ADCK1: variants seen among roughly 807,000 people sequenced by gnomAD.
ADCK1 encodes aarF domain-containing protein kinase 1.
ADCK1 carries 41 observed loss-of-function variants against 52.3 expected under a neutral mutation model. The observed-to-expected ratio is 0.78, with a 90% CI of 0.61 to 1.02. The LOEUF is 1.02. Among genes scored for constraint, ADCK1 ranks in the 50% least tolerant of loss-of-function variants. The pLI is 0.00. For synonymous variants in ADCK1, 250 were observed against 274.6 expected (o/e 0.91, Z 0.89); for missense variants, 658 against 679.5 (o/e 0.97, Z 0.35).
In ADCK1 at chr14:77,908,559, T is replaced by C. The variant is rs148555012; in HGVS notation, c.858+640T>C. ...TATGTTTTTAGAGATGGGGTCTTGCTCTGTTGCCTAGACTGGCGTGCAGTG... is the reference window on the plus strand; with the variant it reads ...TATGTTTTTAGAGATGGGGTCTTGCCCTGTTGCCTAGACTGGCGTGCAGTG... On this transcript the variant is annotated intron_variant, in intron 7 of 10. Coordinates refer to ENST00000238561, the MANE Select transcript of ADCK1 (RefSeq NM_020421.4). Among the ~76,000 whole-genome samples, 1,044 of 152,322 alleles carry C rather than the reference T, an allele frequency of 6.9e-3. 10 individuals are homozygous for C. Among genetic ancestry groups the C allele is most frequent in the African/African-American group, 0.024 (988 of 41,562 alleles).
At chr14:77,890,846 C>T (rs1055019625) in intron 5 of ADCK1, among the ~76,000 whole-genome samples, 1 of 152,080 alleles carries the variant, frequency 6.6e-6, no homozygotes, top group Non-Finnish European at 1.5e-5. Context: ...GTGGTCAGAG[C>T]AGAGCATAGG....
At chr14:77,895,621 C>T (rs2083392275) in intron 5 of ADCK1, among the ~76,000 whole-genome samples, 1 of 152,154 alleles carries the variant, frequency 6.6e-6, no homozygotes, top group Non-Finnish European at 1.5e-5. Context: ...AATGAATCTG[C>T]TTAAGGTGGG....
rs548325364 is a variant in ADCK1 at position 77,933,533 on chromosome 14, T to C, written c.*142T>C. ...TCCATGTCACCATCCTTCTCCTCCT[T>C]TGGAATCCTCTCCGCACACTGTGGC... On this transcript the variant is annotated 3_prime_UTR_variant, in exon 11 of 11. Transcript: ENST00000238561. The C allele has an allele frequency of 3.0e-6, 3 of 1,000,800 alleles. No homozygotes were observed. In the East Asian group the frequency reaches 7.2e-5, roughly 24 times the overall value. The allele number at this position is 1,000,800 out of a possible 1,614,324, so 62.0% of individuals were successfully genotyped here. A position where few individuals can be genotyped will look rare whatever the true frequency, so the allele number is the denominator to read the frequency against.
At chr14:77,825,263 G>C (rs1273173854) in intron 3 of ADCK1, among the ~76,000 whole-genome samples, 1 of 152,158 alleles carries the variant, frequency 6.6e-6, no homozygotes, top group Non-Finnish European at 1.5e-5. Context: ...TTTAATGTCT[G>C]TTTCAATGCC....
intron 1 of ADCK1, among the ~76,000 whole-genome samples, chr14:77,808,041 C>T (rs1014529045): frequency 3.3e-5 from 5 of 152,120 alleles, no homozygotes; most frequent in South Asian, 4.1e-4. Flanking sequence ...ACAAAACATA[C>T]GAAATAACAG....
intron 9 of ADCK1, among the ~76,000 whole-genome samples, chr14:77,928,402 G>T (rs563344382): frequency 6.6e-6 from 1 of 152,042 alleles, no homozygotes; most frequent in African/African-American, 2.4e-5. Context: ...ATGAGGTCAC[G>T]TGGCATGTAC....
In ADCK1 at chr14:77,933,812, A is replaced by C; in HGVS notation, c.*421A>C. The C allele has an allele frequency of 5.8e-6, 1 of 173,038 alleles. No individual in the cohort carries two copies. Among genetic ancestry groups the C allele is most frequent in the African/African-American group, 2.4e-5 (1 of 42,516 alleles). The allele number at this position is 173,038 out of a possible 1,614,324, so 10.7% of individuals were successfully genotyped here. A position where few individuals can be genotyped will look rare whatever the true frequency, so the allele number is the denominator to read the frequency against. On this transcript the variant is annotated 3_prime_UTR_variant, in exon 11 of 11. Coordinates refer to ENST00000238561, the MANE Select transcript of ADCK1 (RefSeq NM_020421.4). ...AGAGAACACCTTCCCTTTCCTTGCC[A>C]TGTCACCCTCCAGAGGAAGTCACAC...
chr14:77,874,350 C>T (rs17106514), intron 4 of ADCK1, among the ~76,000 whole-genome samples: 4,987 of 152,242 alleles, frequency 0.033, 148 homozygotes, highest in South Asian at 0.12. Flanking sequence ...TTGGAATCTG[C>T]AAATAGGGTT....
At chr14:77,839,881 T>G (rs1337427747) in intron 3 of ADCK1, among the ~76,000 whole-genome samples, 1 of 129,888 alleles carries the variant, frequency 7.7e-6, no homozygotes, top group East Asian at 2.3e-4. Context: ...ATTGCACCAC[T>G]GCACTCCAGC....
Position 77,887,233 on chromosome 14 carries a change from A to G in ADCK1, c.566A>G (p.Asp189Gly). ...HPKVRAQSSKDILLMEVLVLA... is the reference protein window; with the variant it reads ...HPKVRAQSSKGILLMEVLVLA... Reference sequence around the variant, plus strand: ...AAGGTGCGGGCTCAGAGCTCGAAGGACATTCTCCTGATGGAGGTGAGAGCC... The same window carrying G: ...AAGGTGCGGGCTCAGAGCTCGAAGGGCATTCTCCTGATGGAGGTGAGAGCC... Residue 189 changes from aspartate to glycine, a missense_variant, in exon 5 of 11, where the codon GAC (aspartate) becomes GGC (glycine). By Grantham distance (94) the Asp-to-Gly change is moderately conservative (BLOSUM62 -1). Transcript: ENST00000238561. 1 of 1,585,152 alleles carries G rather than the reference A, an allele frequency of 6.3e-7. No individual in the cohort carries two copies. Among genetic ancestry groups the G allele is most frequent in the Non-Finnish European group, 8.6e-7 (1 of 1,165,940 alleles).
chr14:77,868,972 C>T (rs1397779802), intron 4 of ADCK1, among the ~76,000 whole-genome samples: 1 of 152,064 alleles, frequency 6.6e-6, no homozygotes, highest in African/African-American at 2.4e-5. Flanking sequence ...AGGGGAAGTT[C>T]AGAGGCGGGT....
At chr14:77,911,226 C>T (rs959153663) in intron 7 of ADCK1, among the ~76,000 whole-genome samples, 1 of 152,210 alleles carries the variant, frequency 6.6e-6, no homozygotes, top group Non-Finnish European at 1.5e-5. Context: ...ACACAGCTAG[C>T]AGGGGTAGAA....
chr14:77,866,844 A>T (rs2082671259), intron 4 of ADCK1, among the ~76,000 whole-genome samples: 1 of 151,942 alleles, frequency 6.6e-6, no homozygotes, highest in Admixed American at 6.6e-5. Flanking sequence ...CTGGACTAGG[A>T]GTAGGGAAGT....
chr14:77,880,164 TAC>T (rs2082991035), intron 4 of ADCK1, among the ~76,000 whole-genome samples: 2 of 152,214 alleles, frequency 1.3e-5, no homozygotes, highest in Non-Finnish European at 2.9e-5. Flanking sequence ...TTTTCTTCCC[TAC>T]CTGTCAGCCG....
chr14:77,848,864 C>T (rs1231427912), intron 3 of ADCK1, among the ~76,000 whole-genome samples: 7 of 150,404 alleles, frequency 4.7e-5, no homozygotes, highest in Admixed American at 1.3e-4. Context: ...CTCACTCTGT[C>T]GCCCAGGCTG....
intron 3 of ADCK1, among the ~76,000 whole-genome samples, chr14:77,840,158 T>G (rs369117674): frequency 6.6e-6 from 1 of 151,972 alleles, no homozygotes; most frequent in Non-Finnish European, 1.5e-5. Flanking sequence ...TAGCTTCCTA[T>G]GACTATTAGT....
chr14:77,879,638 C>T (rs2082977367), intron 4 of ADCK1, among the ~76,000 whole-genome samples: 1 of 152,138 alleles, frequency 6.6e-6, no homozygotes, highest in African/African-American at 2.4e-5. Flanking sequence ...GTGACTTATG[C>T]AGCGAGAAGT....
chr14:77,877,784 T>G (rs1467173496), intron 4 of ADCK1, among the ~76,000 whole-genome samples: 1 of 152,186 alleles, frequency 6.6e-6, no homozygotes, highest in Non-Finnish European at 1.5e-5. Flanking sequence ...TTTTATTTTT[T>G]TGTAGAGATG....
chr14:77,899,167 A>G lies in ADCK1; in HGVS notation c.650A>G (p.Lys217Arg). Reference sequence around the variant, plus strand: ...TTTATGTGGCTTGTGGATGAAGCCAAGAAGAACCTGCCTTTGGAGCTGGAT... The same window carrying G: ...TTTATGTGGCTTGTGGATGAAGCCAGGAAGAACCTGCCTTTGGAGCTGGAT... ...FEFMWLVDEA[K>R]KNLPLELDFL... Residue 217 changes from lysine to arginine, a missense_variant, in exon 6 of 11, where the codon AAG becomes AGG. Physicochemically the swap from Lys to Arg is conservative, Grantham distance 26. Coordinates refer to ENST00000238561, the MANE Select transcript of ADCK1 (RefSeq NM_020421.4). 1 of 1,614,222 alleles carries G rather than the reference A, an allele frequency of 6.2e-7. No individual in the cohort carries two copies. Among genetic ancestry groups the G allele is most frequent in the East Asian group, 2.2e-5 (1 of 44,884 alleles).
Sources: allele counts gnomAD v4.1 joint callset (sites outside exome capture counted in the v4.1 genomes callset), GRCh38; gene constraint gnomAD v4.1.1; transcripts MANE v1.5; gene names NCBI Gene and HGNC (gene_info 2026-07-23, HGNC 2026-07-21).